Variants in LRBA observed in about 807,000 individuals in gnomAD.
LRBA encodes the protein LPS responsive beige-like anchor protein.
LRBA carries 176 observed loss-of-function variants against 330.0 expected under a neutral mutation model. That is an observed-to-expected ratio of 0.53 (90% CI 0.47 to 0.60). LRBA has a LOEUF of 0.60. LRBA is among the 20% of genes least tolerant of loss of function. LRBA has a pLI of 0.00. For missense variants in LRBA, 3,259 were observed against 3,444.8 expected, an observed-to-expected ratio of 0.95 and a Z score of 1.35; for synonymous variants, 1,230 against 1,193.0, an observed-to-expected ratio of 1.03 and a Z score of -0.64.
chr4:150,790,608 G>C (rs1277539889), intron 34 of LRBA, among the ~76,000 whole-genome samples: 1 of 152,174 alleles, frequency 6.6e-6, no homozygotes, highest in Non-Finnish European at 1.5e-5. Flanking sequence ...ATAAAGTACA[G>C]TTATTGAGCT....
chr4:150,970,173 GT>G (rs1203881919), intron 2 of LRBA, among the ~76,000 whole-genome samples: 2 of 151,986 alleles, frequency 1.3e-5, no homozygotes, highest in Non-Finnish European at 2.9e-5. Context: ...TGTGTGCATT[GT>G]TTTTTTAGAC....
chr4:150,844,402 G>GA (rs1025823377), intron 27 of LRBA, among the ~76,000 whole-genome samples, 195 bp from the exon 28 acceptor site: 3 of 151,702 alleles, frequency 2.0e-5, no homozygotes, highest in African/African-American at 7.3e-5. Flanking sequence ...TGGCATGCAG[G>GA]AAAAAATGAC....
At position 150,757,045 on chromosome 4, in the gene LRBA, T is replaced by C. The variant is rs557973546; in HGVS notation, c.5645+4738A>G. On this transcript the variant is annotated intron_variant, in intron 35 of 56. Coordinates refer to ENST00000651943, the MANE Select transcript of LRBA (RefSeq NM_001364905.1). ...TGAAAATTTAATTATTTAACTGAAA[T>C]CTTTTATTATAAGTATATGTATTTT... Among the ~76,000 whole-genome samples the C allele has an allele frequency of 2.0e-5, 3 of 152,294 alleles. No individual in the cohort carries two copies. The South Asian group carries it at 6.2e-4, about 32-fold the overall frequency.
chr4:150,771,033 GA>G (rs1286272767), intron 34 of LRBA, among the ~76,000 whole-genome samples: 18 of 152,270 alleles, frequency 1.2e-4, no homozygotes, highest in African/African-American at 4.3e-4. Context: ...GAGGCAGGAG[GA>G]GCCCAAAGTG....
At chr4:150,440,406 A>G (rs1751670112) in intron 44 of LRBA, among the ~76,000 whole-genome samples, 1 of 152,130 alleles carries the variant, frequency 6.6e-6, no homozygotes, top group African/African-American at 2.4e-5. Context: ...ATACAATGAA[A>G]AATAGGTTTA....
intron 2 of LRBA, among the ~76,000 whole-genome samples, chr4:150,953,302 T>C (rs1341116846): frequency 6.6e-6 from 1 of 152,024 alleles, no homozygotes; most frequent in East Asian, 1.9e-4. Context: ...GGATAGACCA[T>C]GTTACTCATC....
intron 2 of LRBA, among the ~76,000 whole-genome samples, chr4:150,969,371 T>G (rs1739268793): frequency 6.6e-6 from 1 of 152,164 alleles, no homozygotes; most frequent in Non-Finnish European, 1.5e-5. Context: ...GGAACATTTT[T>G]GATTCATGGG....
At chr4:150,619,009 G>A (rs1776050468) in intron 37 of LRBA, among the ~76,000 whole-genome samples, 1 of 151,900 alleles carries the variant, frequency 6.6e-6, no homozygotes, top group Middle Eastern at 3.4e-3. Context: ...TTAATTTGCT[G>A]GAGAAATAAA....
At chr4:150,392,496 T>A (rs937730828) in intron 47 of LRBA, among the ~76,000 whole-genome samples, 4 of 152,160 alleles carry the variant, frequency 2.6e-5, no homozygotes, top group Non-Finnish European at 5.9e-5. Context: ...TTATCTTTAT[T>A]TCTTAAAGGC....
intron 47 of LRBA, among the ~76,000 whole-genome samples, chr4:150,379,266 G>A (rs931825625): frequency 8.3e-6 from 1 of 120,128 alleles, no homozygotes; most frequent in African/African-American, 3.2e-5. Context: ...TCACGCCATC[G>A]CACTCCAGCC....
At chr4:150,378,813 C>T (rs952465666) in intron 47 of LRBA, among the ~76,000 whole-genome samples, 1 of 152,030 alleles carries the variant, frequency 6.6e-6, no homozygotes, top group Non-Finnish European at 1.5e-5. Context: ...AATGTTATGA[C>T]TATGACTAGT....
chr4:150,484,097 A>G (rs1208244240), intron 42 of LRBA, among the ~76,000 whole-genome samples: 3 of 151,920 alleles, frequency 2.0e-5, no homozygotes, highest in African/African-American at 7.2e-5. Flanking sequence ...TAAAATGACT[A>G]TTTTATTTCT....
chr4:150,931,887 T>C (rs1734545847), intron 2 of LRBA, among the ~76,000 whole-genome samples: 1 of 152,062 alleles, frequency 6.6e-6, no homozygotes, highest in African/African-American at 2.4e-5. Context: ...ACTGAAGTCA[T>C]AAAATGAGTC....
chr4:150,995,539 G>A (rs1742532831), intron 2 of LRBA, among the ~76,000 whole-genome samples: 1 of 151,862 alleles, frequency 6.6e-6, no homozygotes, highest in Admixed American at 6.6e-5. Flanking sequence ...TCAAACAATT[G>A]TAATGTTTCT....
At chr4:151,005,786 G>A (rs1459375474) in intron 2 of LRBA, among the ~76,000 whole-genome samples, 1 of 151,792 alleles carries the variant, frequency 6.6e-6, no homozygotes. Flanking sequence ...GTATTTTTTA[G>A]TAGAGAACAT....
chr4:150,404,045 A>C (rs1000901359), intron 47 of LRBA, among the ~76,000 whole-genome samples: 5 of 151,968 alleles, frequency 3.3e-5, no homozygotes, highest in Non-Finnish European at 7.4e-5. Flanking sequence ...AAAAAACACC[A>C]CCCAAACCAG....
At chr4:150,999,760 C>A (rs185133320) in intron 2 of LRBA, among the ~76,000 whole-genome samples, 2 of 151,756 alleles carry the variant, frequency 1.3e-5, no homozygotes, top group East Asian at 3.9e-4. Flanking sequence ...AGGCTCCAGG[C>A]AAACTTAATC....
intron 44 of LRBA, among the ~76,000 whole-genome samples, chr4:150,450,570 C>A: frequency 6.6e-6 from 1 of 152,110 alleles, no homozygotes; most frequent in Non-Finnish European, 1.5e-5. Context: ...GGATTTGGGC[C>A]CACCCTAATG....
chr4:150,623,047 C>T (rs1159677548), intron 37 of LRBA, among the ~76,000 whole-genome samples: 1 of 152,108 alleles, frequency 6.6e-6, no homozygotes, highest in Non-Finnish European at 1.5e-5. Flanking sequence ...TTCTGCTGGG[C>T]TGCAAGCAAG....
Sources: gnomAD v4.1 joint callset for allele counts (sites outside exome capture counted in the v4.1 genomes callset) on GRCh38, gnomAD v4.1.1 for gene constraint, MANE v1.5 for transcripts, NCBI Gene and HGNC (gene_info 2026-07-23, HGNC 2026-07-21) for gene names.